C16orf96: variants seen among roughly 807,000 people sequenced by gnomAD.
C16orf96 encodes the protein chromosome 16 open reading frame 96.
In C16orf96, 108 loss-of-function variants were observed where a neutral mutation model predicts 103.6. The ratio of observed to expected loss-of-function variants is 1.04; its 90% confidence interval spans 0.89 to 1.22. The LOEUF (loss-of-function observed/expected upper bound fraction) is 1.22. C16orf96 is among the 50% of genes most tolerant of loss of function. The probability of loss-of-function intolerance (pLI) is 0.00; values close to 1 mark genes in which losing one functional copy is unlikely to be tolerated. For synonymous variants in C16orf96, 566 were observed against 593.5 expected, an observed-to-expected ratio of 0.95 and a Z score of 0.67; for missense variants, 1,586 against 1,464.2, an observed-to-expected ratio of 1.08 and a Z score of -1.36.
At chr16:4,595,439 G>A (rs1279279422) in intron 14 of C16orf96, among the ~76,000 whole-genome samples, 1 of 152,232 alleles carries the variant, frequency 6.6e-6, no homozygotes, top group African/African-American at 2.4e-5. Context: ...ATCAGTCAAT[G>A]TGGTTGCTGC....
At chr16:4,553,565 A>G (rs560450542), upstream of C16orf96, among the ~76,000 whole-genome samples, 1 of 151,540 alleles carries the variant, frequency 6.6e-6, no homozygotes, top group Non-Finnish European at 1.5e-5. Flanking sequence ...CTCACGCTCT[A>G]CTCCTGGGCT....
intron 9 of C16orf96, among the ~76,000 whole-genome samples, chr16:4,590,039 T>A (rs1421609841): frequency 2.0e-5 from 3 of 151,718 alleles, no homozygotes; most frequent in African/African-American, 7.3e-5. Flanking sequence ...GGCAGGAGAA[T>A]GGCCTGAACC....
intron 9 of C16orf96, among the ~76,000 whole-genome samples, chr16:4,590,182 G>A (rs976712994): frequency 6.6e-6 from 1 of 151,862 alleles, no homozygotes; most frequent in Non-Finnish European, 1.5e-5. Flanking sequence ...CAGCACTTTG[G>A]GAGGTTGAGA....
At chr16:4,573,368 G>C (rs1399646760) in intron 2 of C16orf96, among the ~76,000 whole-genome samples, 1 of 149,422 alleles carries the variant, frequency 6.7e-6, no homozygotes, top group Admixed American at 6.7e-5. Context: ...GAACCCAGGA[G>C]GTGGAGATTG....
At chr16:4,554,139 A>AT (rs965985043), upstream of C16orf96, among the ~76,000 whole-genome samples, 6 of 152,010 alleles carry the variant, frequency 3.9e-5, no homozygotes, top group Non-Finnish European at 8.8e-5. Flanking sequence ...ACCATACCTC[A>AT]TATCTCCACG....
intron 1 of C16orf96, among the ~76,000 whole-genome samples, chr16:4,570,416 C>G (rs2059425173): frequency 6.7e-6 from 1 of 148,542 alleles, no homozygotes; most frequent in South Asian, 2.1e-4. Flanking sequence ...GTTTGGCCCT[C>G]TGAGTGGAAA....
At position 4,600,688 on chromosome 16, in the gene C16orf96, A is replaced by G. The variant is rs762428059; in HGVS notation, c.*371A>G. 3 of 274,830 alleles carry G rather than the reference A, an allele frequency of 1.1e-5. No homozygotes were observed. The highest frequency in any genetic ancestry group is 4.9e-5 in the Admixed American group (1 of 20,402). 17.0% of individuals were successfully genotyped at this position (274,830 alleles called of 1,614,324 possible). A position where few individuals can be genotyped will look rare whatever the true frequency, so the allele number is the denominator to read the frequency against. On this transcript the variant is annotated 3_prime_UTR_variant, in exon 16 of 16. Coordinates refer to ENST00000444310, the MANE Select transcript of C16orf96 (RefSeq NM_001145011.2). Reference sequence around the variant, plus strand: ...ACCCAGTGGCTGTTTTATCCTGTGCATATAAATACAAACAGCACAGTGCAC... The same window carrying G: ...ACCCAGTGGCTGTTTTATCCTGTGCGTATAAATACAAACAGCACAGTGCAC...
At chr16:4,550,325 T>C in the C16orf96 span, among the ~76,000 whole-genome samples, 1 of 152,130 alleles carries the variant, frequency 6.6e-6, no homozygotes, top group East Asian at 1.9e-4. Context: ...CCTCACGTGA[T>C]CCGCCCATCT....
intron 9 of C16orf96, among the ~76,000 whole-genome samples, chr16:4,589,673 A>G (rs1897011948): frequency 6.6e-6 from 1 of 152,210 alleles, no homozygotes; most frequent in African/African-American, 2.4e-5. Flanking sequence ...TTCCTGGTTT[A>G]ATTGAACCAC....
In C16orf96 at chr16:4,593,363, C is replaced by T; in HGVS notation, c.2867+47C>T. 1 of 1,500,234 alleles carries T rather than the reference C, an allele frequency of 6.7e-7. No homozygotes were observed. The highest frequency in any genetic ancestry group is 1.4e-5 in the African/African-American group (1 of 72,070). The allele number at this position is 1,500,234 out of a possible 1,614,324, so 92.9% of individuals were successfully genotyped here. A position where few individuals can be genotyped will look rare whatever the true frequency, so the allele number is the denominator to read the frequency against. ...CAGGGAGGCCGCCCCGCATGGAGGC[C>T]ACTCTGGAGCCTGGGAACCCTGTTC... On this transcript the variant is annotated intron_variant, in intron 12 of 15. Transcript: ENST00000444310. The surrounding 1 kb of genome is among the most constrained non-coding windows in gnomAD (Gnocchi z 4.2).
the C16orf96 span, among the ~76,000 whole-genome samples, chr16:4,542,992 C>T: frequency 6.6e-6 from 1 of 152,072 alleles, no homozygotes; most frequent in Non-Finnish European, 1.5e-5. Flanking sequence ...TTTGACCAAG[C>T]AAGGTCCTGT....
rs899055027 is a variant in C16orf96, at chr16:4,594,749, C to T, written c.3073C>T (p.Arg1025Cys). The T allele has an allele frequency of 4.1e-5, 64 of 1,551,046 alleles. No homozygotes were observed. The highest frequency in any genetic ancestry group is 4.4e-5 in the Non-Finnish European group (50 of 1,146,930). ...LGVDGILYKGRVNSQRGAQPL... is the reference protein window; with the variant it reads ...LGVDGILYKGCVNSQRGAQPL... ...CGTGGATGGGATCCTGTACAAAGGCCGCGTGAACAGCCAGCGTGGGGCTCA... is the reference window on the plus strand; with the variant it reads ...CGTGGATGGGATCCTGTACAAAGGCTGCGTGAACAGCCAGCGTGGGGCTCA... The change falls in exon 14 of 16, where the codon CGC (arginine) becomes TGC (cysteine). Residue 1025 changes from arginine to cysteine, a missense_variant. Transcript: ENST00000444310.
the C16orf96 span, among the ~76,000 whole-genome samples, chr16:4,540,015 G>A: frequency 6.6e-6 from 1 of 152,194 alleles, no homozygotes; most frequent in South Asian, 2.1e-4. Context: ...ACTGATTTGA[G>A]TAATGAAACT....
chr16:4,596,033 G>A (rs773097492), intron 14 of C16orf96, among the ~76,000 whole-genome samples: 3 of 152,048 alleles, frequency 2.0e-5, no homozygotes, highest in South Asian at 2.1e-4. Flanking sequence ...CCATTGACTC[G>A]AAGACCAGAC....
At chr16:4,579,128 C>A in intron 6 of C16orf96, 103 bp downstream of exon 6, 2 of 1,037,414 alleles carry the variant, frequency 1.9e-6, no homozygotes, top group Non-Finnish European at 2.8e-6. Context: ...CTGTGTTCTG[C>A]AGCAAAACAG....
chr16:4,547,689 CTTCTTTCTTTCTTTCT>C, the C16orf96 span, among the ~76,000 whole-genome samples: 51 of 22,560 alleles, frequency 2.3e-3, no homozygotes, highest in East Asian at 6.4e-3. Context: ...TCCTTCCTTC[CTTCTTTCTTTCTTTCT>C]TTCTTTCTTT....
Position 4,556,771 on chromosome 16 carries a change from G to T in C16orf96, c.282G>T (p.Gln94His). Residue 94 changes from glutamine (Q) to histidine (H), a missense_variant, in exon 1 of 16, where the codon CAG becomes CAT. Physicochemically the swap from Gln to His is conservative, Grantham distance 24. Transcript: ENST00000444310. ...VVSRLDKLEN[Q>H]LALLQDLPST... ...GCCGCCTCGACAAGTTGGAGAACCA[G>T]CTGGCCCTGCTGCAGGACCTGCCCT... The T allele has an allele frequency of 3.2e-6, 5 of 1,551,694 alleles. No individual in the cohort carries two copies. The highest frequency in any genetic ancestry group is 4.4e-6 in the Non-Finnish European group (5 of 1,147,004).
In C16orf96 at chr16:4,556,624, C is replaced by T. The variant is rs757875858; in HGVS notation, c.135C>T (p.Val45=). 190 of 1,551,644 alleles carry T rather than the reference C, an allele frequency of 1.2e-4. No individual in the cohort carries two copies. Among genetic ancestry groups the T allele is most frequent in the Non-Finnish European group, 1.6e-4 (187 of 1,147,014 alleles). ...TCCACATGGCCGAGCTCAAGAAAGTCCTCTCAGGCGATGAGGACTTCCTGC... is the reference window on the plus strand; with the variant it reads ...TCCACATGGCCGAGCTCAAGAAAGTTCTCTCAGGCGATGAGGACTTCCTGC... ...EHIHMAELKK[V]LSGDEDFLQT... is the part of the protein sequence containing the mutation. The change falls in exon 1 of 16, where the codon GTC becomes GTT. Residue 45 remains valine (V), a synonymous_variant. Coordinates refer to ENST00000444310, the MANE Select transcript of C16orf96 (RefSeq NM_001145011.2).
intron 14 of C16orf96, among the ~76,000 whole-genome samples, chr16:4,598,071 G>A (rs1173896025): frequency 6.6e-6 from 1 of 152,098 alleles, no homozygotes; most frequent in East Asian, 1.9e-4. Context: ...CAGACTCAAA[G>A]CCAGGTATAG....
Sources: gnomAD v4.1 joint callset for allele counts (sites outside exome capture counted in the v4.1 genomes callset) on GRCh38, gnomAD v4.1.1 for gene constraint, Gnocchi (gnomAD v3.1) non-coding constraint, MANE v1.5 for transcripts, NCBI Gene and HGNC (gene_info 2026-07-23, HGNC 2026-07-21) for gene names.